Variants in NF1 observed in about 807,000 individuals in gnomAD.
NF1 encodes the protein neurofibromin 1.
Under a neutral mutation model 325.7 loss-of-function variants are expected in NF1, and 122 were observed. The ratio of observed to expected loss-of-function variants is 0.37; its 90% CI spans 0.32 to 0.44. NF1 has a LOEUF of 0.44. NF1 is among the 20% of genes least tolerant of loss of function. The pLI, the probability that NF1 is intolerant of heterozygous loss-of-function variation, is 1.00. For synonymous variants in NF1, 1,091 were observed against 1,186.0 expected, an observed-to-expected ratio of 0.92 and a Z score of 1.65; for missense variants, 2,140 against 3,415.4, an observed-to-expected ratio of 0.63 and a Z score of 9.31.
intron 1 of NF1, among the ~76,000 whole-genome samples, chr17:31,124,823 G>A (rs1233406830): frequency 6.6e-6 from 1 of 150,592 alleles, no homozygotes; most frequent in Admixed American, 6.6e-5. Flanking sequence ...GGATGGTCTC[G>A]ATCTCCTGGC....
At chr17:31,184,820 C>T (rs2066209225) in intron 8 of NF1, among the ~76,000 whole-genome samples, 1 of 152,070 alleles carries the variant, frequency 6.6e-6, no homozygotes, top group Admixed American at 6.5e-5. Flanking sequence ...AAAACAAACA[C>T]AAACTCTTAT....
rs764591468 is a variant in NF1 at position 31,326,607 on chromosome 17, A to G, written c.5268+355A>G. On this transcript the variant is annotated intron_variant, in intron 37 of 57. Coordinates refer to ENST00000358273, the MANE Select transcript of NF1 (RefSeq NM_001042492.3). ...GGTTGCAGTGAGCCGAGATTGCGCC[A>G]CTGCACTCCAGCCTGGGCAACAGAG... is the stretch of plus-strand genomic sequence containing the variant. Among the ~76,000 whole-genome samples, 5 of 152,156 alleles carry G rather than the reference A, an allele frequency of 3.3e-5. 1 individual carries two copies. The highest frequency in any genetic ancestry group is 6.5e-5 in the Admixed American group (1 of 15,282).
At chr17:31,296,036 C>T (rs754648490) in intron 36 of NF1, 10 of 1,613,900 alleles carry the variant, frequency 6.2e-6, no homozygotes, top group Non-Finnish European at 6.8e-6. Context: ...CCACAGAGAC[C>T]GAGGTAAGTG....
chr17:31,227,405 ATATTACAAG>A (rs2067034768), intron 19 of NF1, 109 bp from the exon 20 acceptor site: 1 of 1,410,912 alleles, frequency 7.1e-7, no homozygotes, highest in Non-Finnish European at 1.0e-6. Flanking sequence ...AGATACGTGC[ATATTACAAG>A]TATAATATCT....
chr17:31,331,001 T>A (rs1168572251), intron 39 of NF1: 1 of 152,768 alleles, frequency 6.5e-6, no homozygotes, highest in Non-Finnish European at 1.5e-5. Context: ...GTCTTATAAA[T>A]TTAATATCCA....
At chr17:31,198,834 G>A (rs1384693235) in intron 8 of NF1, among the ~76,000 whole-genome samples, 1 of 151,954 alleles carries the variant, frequency 6.6e-6, no homozygotes, top group African/African-American at 2.4e-5. Context: ...GATCAGGCTG[G>A]TCTTAAACTC....
chr17:31,264,056 A>G lies in NF1; in HGVS notation c.4725-1173A>G, dbSNP rs953387693. Among the ~76,000 whole-genome samples the G allele has an allele frequency of 5.3e-5, 8 of 152,246 alleles. No homozygotes were observed. The East Asian group carries it at 1.5e-3, about 29-fold the overall frequency. ...GCTGAGCTAATGCAATCTCTTCCCA[A>G]GACATAAGGCTCATAGAAATACTAG... On this transcript the variant is annotated intron_variant, in intron 35 of 57. Transcript: ENST00000358273.
chr17:31,180,721 A>T (rs1297815904), intron 5 of NF1, among the ~76,000 whole-genome samples: 3 of 152,330 alleles, frequency 2.0e-5, no homozygotes, highest in Non-Finnish European at 4.4e-5. Flanking sequence ...CTCCTATTCA[A>T]ACTAATATTG....
At chr17:31,295,465 A>G (rs1567879166) in intron 36 of NF1, 2 of 1,614,164 alleles carry the variant, frequency 1.2e-6, no homozygotes, top group Non-Finnish European at 1.7e-6. Flanking sequence ...TCAGAGAGTT[A>G]ATGGTGTCCA....
intron 33 of NF1, 114 bp downstream of exon 33, chr17:31,259,243 T>A (rs1445649939): frequency 3.3e-5 from 23 of 700,254 alleles, no homozygotes; most frequent in Non-Finnish European, 5.5e-5. Context: ...TTTCTTTTCC[T>A]GCTCTAGGTC....
At chr17:31,121,228 C>T (rs543640139) in intron 1 of NF1, among the ~76,000 whole-genome samples, 61 of 152,226 alleles carry the variant, frequency 4.0e-4, no homozygotes, top group East Asian at 1.5e-3. Flanking sequence ...AAAATACATA[C>T]CATGATTTGG....
intron 57 of NF1, among the ~76,000 whole-genome samples, chr17:31,364,164 C>T (rs942908798): frequency 6.6e-6 from 1 of 152,270 alleles, no homozygotes; most frequent in East Asian, 1.9e-4. Context: ...AAAACATTTC[C>T]TTATCTCCAT....
chr17:31,239,693 G>T (rs2067262098), intron 29 of NF1, among the ~76,000 whole-genome samples: 1 of 152,068 alleles, frequency 6.6e-6, no homozygotes, highest in South Asian at 2.1e-4. Flanking sequence ...GAAATATTTT[G>T]ATACAGACAT....
intron 51 of NF1, among the ~76,000 whole-genome samples, chr17:31,352,918 C>G (rs866058801): frequency 6.6e-6 from 1 of 150,954 alleles, no homozygotes; most frequent in Non-Finnish European, 1.5e-5. Flanking sequence ...TTTCTTTTTT[C>G]TTTTCTTGAT....
At chr17:31,203,067 T>C (rs2066558549) in intron 11 of NF1, among the ~76,000 whole-genome samples, 1 of 152,184 alleles carries the variant, frequency 6.6e-6, no homozygotes, top group Non-Finnish European at 1.5e-5. Context: ...GTTACTTTAA[T>C]TGTGAAATAT....
At chr17:31,107,316 T>C (rs1278803173) in intron 1 of NF1, among the ~76,000 whole-genome samples, 2 of 152,140 alleles carry the variant, frequency 1.3e-5, no homozygotes, top group African/African-American at 4.8e-5. Context: ...GGAATGACAG[T>C]GATAGTAGGT....
chr17:31,102,737 A>C (rs1296066502), intron 1 of NF1, among the ~76,000 whole-genome samples: 1 of 139,070 alleles, frequency 7.2e-6, no homozygotes, highest in East Asian at 2.0e-4. Context: ...CCTGTCTTCC[A>C]AAAAAAAAAA....
chr17:31,220,155 G>T (rs2143993818), intron 14 of NF1, among the ~76,000 whole-genome samples: 1 of 152,246 alleles, frequency 6.6e-6, no homozygotes, highest in South Asian at 2.1e-4. Context: ...TATATTCCCA[G>T]TAACAACATA....
intron 36 of NF1, among the ~76,000 whole-genome samples, chr17:31,314,622 C>T (rs1463677286): frequency 6.6e-6 from 1 of 152,132 alleles, no homozygotes; most frequent in African/African-American, 2.4e-5. Context: ...CATTATTTTG[C>T]AAATGACAGG....
Sources: gnomAD v4.1 joint callset for allele counts (sites outside exome capture counted in the v4.1 genomes callset) on GRCh38, gnomAD v4.1.1 for gene constraint, MANE v1.5 for transcripts, NCBI Gene and HGNC (gene_info 2026-07-23, HGNC 2026-07-21) for gene names.